The following HMGCLL1 variants were observed in gnomAD, a reference collection of about 807,000 sequenced individuals.
HMGCLL1 encodes the protein 3-hydroxymethyl-3-methylglutaryl-CoA lyase, cytoplasmic.
Under a neutral mutation model 39.1 loss-of-function variants are expected in HMGCLL1, and 36 were observed. The observed-to-expected ratio is 0.92, with a 90% CI of 0.71 to 1.22. HMGCLL1 has a LOEUF of 1.22. Among genes scored for constraint, HMGCLL1 ranks in the 50% most tolerant of loss-of-function variants. The pLI is 0.00. For synonymous variants in HMGCLL1, 149 were observed against 144.0 expected (o/e 1.03, Z -0.25); for missense variants, 451 against 416.5 (o/e 1.08, Z -0.72).
At chr6:55,451,164 T>G (rs926783677) in intron 7 of HMGCLL1, among the ~76,000 whole-genome samples, 1 of 152,116 alleles carries the variant, frequency 6.6e-6, no homozygotes, top group African/African-American at 2.4e-5. Flanking sequence ...GTTCTGACAA[T>G]ATCTATTCAG....
the HMGCLL1 span, among the ~76,000 whole-genome samples, chr6:55,663,208 A>G: frequency 1.4e-5 from 2 of 148,084 alleles, no homozygotes; most frequent in South Asian, 4.3e-4. Context: ...GATTTTGGTT[A>G]TTTTTGTTCT....
chr6:55,616,308 C>T, the HMGCLL1 span, among the ~76,000 whole-genome samples: 1 of 152,038 alleles, frequency 6.6e-6, no homozygotes, highest in African/African-American at 2.4e-5. Context: ...ATCCTAAGGC[C>T]ATCATGTAAA....
intron 1 of HMGCLL1, among the ~76,000 whole-genome samples, chr6:55,573,152 A>G (rs1372489250): frequency 6.6e-6 from 1 of 152,210 alleles, no homozygotes; most frequent in Non-Finnish European, 1.5e-5. Flanking sequence ...AGAAAAAAGT[A>G]AAGCCCTTAC....
At chr6:55,567,899 G>C (rs1024569756) in intron 1 of HMGCLL1, among the ~76,000 whole-genome samples, 1 of 152,110 alleles carries the variant, frequency 6.6e-6, no homozygotes, top group African/African-American at 2.4e-5. Flanking sequence ...GGAACTCACA[G>C]CTCCGGTCCC....
chr6:55,587,931 G>A, the HMGCLL1 span, among the ~76,000 whole-genome samples: 4 of 152,076 alleles, frequency 2.6e-5, no homozygotes, highest in East Asian at 1.9e-4. Flanking sequence ...ACAAAGAGAC[G>A]TAGACTCCCA....
At chr6:55,592,984 G>T in the HMGCLL1 span, among the ~76,000 whole-genome samples, 1 of 152,020 alleles carries the variant, frequency 6.6e-6, no homozygotes, top group African/African-American at 2.4e-5. Context: ...TCTATAAAAA[G>T]CATGCATCAT....
At chr6:55,500,509 C>A (rs1327882104) in intron 5 of HMGCLL1, among the ~76,000 whole-genome samples, 1 of 151,594 alleles carries the variant, frequency 6.6e-6, no homozygotes, top group East Asian at 1.9e-4. Flanking sequence ...AAGATGTAAC[C>A]AAATTAGGTT....
At chr6:55,522,696 T>C (rs78679288) in intron 3 of HMGCLL1, among the ~76,000 whole-genome samples, 3,675 of 152,138 alleles carry the variant, frequency 0.024, 77 homozygotes, top group Admixed American at 0.036. Context: ...AATTCTCTCA[T>C]ACCCATTTAT....
chr6:55,564,081 A>G (rs142442631), intron 1 of HMGCLL1, among the ~76,000 whole-genome samples: 2 of 152,256 alleles, frequency 1.3e-5, no homozygotes, highest in East Asian at 1.9e-4. Flanking sequence ...TCAAGTGTTC[A>G]GTCACAGTGT....
chr6:55,629,778 G>A, the HMGCLL1 span, among the ~76,000 whole-genome samples: 1 of 152,164 alleles, frequency 6.6e-6, no homozygotes, highest in East Asian at 1.9e-4. Flanking sequence ...TGTCTTCAGA[G>A]GATCCAAGCC....
rs70986727 is a variant in HMGCLL1 at position 55,533,885 on chromosome 6, CA to C, written c.297+7843del. Among the ~76,000 whole-genome samples the C allele has an allele frequency of 9.6e-4, 69 of 71,694 alleles. 1 individual carries two copies. Among genetic ancestry groups the C allele is most frequent in the South Asian group, 1.5e-3 (3 of 1,976 alleles). 47.0% of individuals were successfully genotyped at this position (71,694 alleles called of 152,430 possible). A position where few individuals can be genotyped will look rare whatever the true frequency, so the allele number is the denominator to read the frequency against. ...TGGGCGACAGAGCGAGACTCCGTCT[CA>C]AAAAAAAAAAAAAAGAAGTTACAAC... On this transcript the variant is annotated intron_variant, in intron 3 of 8. Transcript: ENST00000274901.
At chr6:55,494,610 A>G (rs1267980300) in intron 7 of HMGCLL1, among the ~76,000 whole-genome samples, 1 of 152,156 alleles carries the variant, frequency 6.6e-6, no homozygotes, top group Non-Finnish European at 1.5e-5. Context: ...AACTTCTGCC[A>G]AGCAACTGTA....
At chr6:55,591,866 T>C in the HMGCLL1 span, among the ~76,000 whole-genome samples, 1 of 151,966 alleles carries the variant, frequency 6.6e-6, no homozygotes, top group Non-Finnish European at 1.5e-5. Flanking sequence ...CAGAAAGTTA[T>C]AGGAGTGCTT....
chr6:55,571,158 A>G (rs1369511399), intron 1 of HMGCLL1, among the ~76,000 whole-genome samples: 1 of 152,178 alleles, frequency 6.6e-6, no homozygotes, highest in Non-Finnish European at 1.5e-5. Context: ...TATCCTTTTA[A>G]GTTTCTAACT....
intron 8 of HMGCLL1, 34 bp from the exon 9 acceptor site, chr6:55,435,797 G>A: frequency 2.7e-6 from 3 of 1,101,858 alleles, no homozygotes; most frequent in Non-Finnish European, 3.9e-6. Context: ...CAGGAAGGCA[G>A]AGGGATTAGA....
At chr6:55,601,503 C>G in the HMGCLL1 span, among the ~76,000 whole-genome samples, 1 of 152,142 alleles carries the variant, frequency 6.6e-6, no homozygotes, top group Non-Finnish European at 1.5e-5. Flanking sequence ...TTAACCAAAA[C>G]AAGTCCCAAA....
chr6:55,554,391 T>C (rs1281046692), intron 1 of HMGCLL1, among the ~76,000 whole-genome samples: 1 of 152,074 alleles, frequency 6.6e-6, no homozygotes, highest in Non-Finnish European at 1.5e-5. Context: ...AATATGGAGC[T>C]GGCAGATGAA....
chr6:55,464,861 T>C (rs1053716604), intron 7 of HMGCLL1, among the ~76,000 whole-genome samples: 1 of 152,194 alleles, frequency 6.6e-6, no homozygotes, highest in African/African-American at 2.4e-5. Flanking sequence ...TCTCCTCTCT[T>C]GTTCTAAAAT....
intron 1 of HMGCLL1, among the ~76,000 whole-genome samples, chr6:55,572,054 G>A (rs1771524574): frequency 6.6e-6 from 1 of 152,030 alleles, no homozygotes; most frequent in African/African-American, 2.4e-5. Flanking sequence ...TCAAAGAATA[G>A]AAATCAGTTG....
Sources: allele counts gnomAD v4.1 joint callset (sites outside exome capture counted in the v4.1 genomes callset), GRCh38; gene constraint gnomAD v4.1.1; transcripts MANE v1.5; gene names NCBI Gene and HGNC (gene_info 2026-07-23, HGNC 2026-07-21).